DNAI7: variants seen among roughly 807,000 people sequenced by gnomAD.
The protein encoded by DNAI7 is cancer susceptibility 1.
A neutral mutation model predicts 86.6 loss-of-function variants in DNAI7; 78 were observed. The observed-to-expected ratio is 0.90, with a 90% CI of 0.75 to 1.09. DNAI7 has a LOEUF of 1.09. Ranked by LOEUF, DNAI7 falls within the 50% of genes least tolerant of loss-of-function variation. The probability of loss-of-function intolerance (pLI) is 0.00; values close to 1 mark genes in which losing one functional copy is unlikely to be tolerated. For missense variants in DNAI7, 753 were observed against 810.2 expected (o/e 0.93, Z 0.86); for synonymous variants, 274 against 273.0 (o/e 1.00, Z -0.04).
At chr12:25,162,683 C>T (rs778161429) in intron 2 of DNAI7, among the ~76,000 whole-genome samples, 3 of 152,126 alleles carry the variant, frequency 2.0e-5, no homozygotes, top group Non-Finnish European at 4.4e-5. Context: ...GTTCATCCAC[C>T]TCCTCCCACC....
At chr12:25,190,974 T>G (rs997802578) in intron 1 of DNAI7, among the ~76,000 whole-genome samples, 5 of 152,214 alleles carry the variant, frequency 3.3e-5, no homozygotes, top group Admixed American at 6.5e-5. Context: ...AAGAAGGCAC[T>G]AGTTTAAAGG....
At chr12:25,132,485 T>C (rs1313079699) in intron 9 of DNAI7, among the ~76,000 whole-genome samples, 1 of 151,052 alleles carries the variant, frequency 6.6e-6, no homozygotes, top group South Asian at 2.1e-4. Flanking sequence ...CCAAACAAAC[T>C]AGTGTTGTTT....
intron 10 of DNAI7, 56 bp from the exon 11 acceptor site, chr12:25,121,969 G>A: frequency 3.2e-6 from 4 of 1,253,044 alleles, no homozygotes; most frequent in Non-Finnish European, 3.3e-6. Flanking sequence ...TATGTTCTTA[G>A]GAAAGAAATT....
At chr12:25,169,010 C>T (rs1462987701) in intron 2 of DNAI7, among the ~76,000 whole-genome samples, 7 of 152,162 alleles carry the variant, frequency 4.6e-5, no homozygotes, top group African/African-American at 1.7e-4. Context: ...AGAAACATCG[C>T]CCATTATCTC....
In DNAI7 at chr12:25,161,131, TCTC is replaced by T. The variant is rs756732161; in HGVS notation, c.85_87del (p.Glu29del). On this transcript the variant is annotated inframe_deletion, in exon 3 of 16. Transcript: ENST00000395987. Reference sequence around the variant, plus strand: ...TTTGTACCTTCCTCTTTCAGTCGTCTCTCCTCCTCCTCTTGTAGCAGCTTCAAT... The same window carrying T: ...TTTGTACCTTCCTCTTTCAGTCGTCTCTCCTCCTCTTGTAGCAGCTTCAAT... The T allele has an allele frequency of 5.0e-6, 8 of 1,612,992 alleles. No individual in the cohort carries two copies. The highest frequency in any genetic ancestry group is 3.3e-5 in the South Asian group (3 of 91,040).
At chr12:25,108,015 G>T (rs189091745), downstream of DNAI7, 1 of 1,614,086 alleles carries the variant, frequency 6.2e-7, no homozygotes, top group South Asian at 1.1e-5. Context: ...AACATATCTT[G>T]TGGCCATTTA....
At chr12:25,174,656 TCA>T (rs1948739066) in intron 2 of DNAI7, among the ~76,000 whole-genome samples, 1 of 118,826 alleles carries the variant, frequency 8.4e-6, no homozygotes, top group African/African-American at 3.2e-5. Flanking sequence ...AATATAGATA[TCA>T]TATATATGGA....
At chr12:25,153,492 T>TA (rs1945805270) in intron 6 of DNAI7, among the ~76,000 whole-genome samples, 1 of 152,210 alleles carries the variant, frequency 6.6e-6, no homozygotes. Flanking sequence ...TTCACTAAGC[T>TA]AAAGATAAGC....
At chr12:25,184,942 C>T (rs1592709597) in intron 2 of DNAI7, among the ~76,000 whole-genome samples, 1 of 130,496 alleles carries the variant, frequency 7.7e-6, no homozygotes, top group Non-Finnish European at 1.6e-5. Flanking sequence ...CCACCCTGGA[C>T]AACACAGTGG....
intron 2 of DNAI7, among the ~76,000 whole-genome samples, chr12:25,177,516 A>G (rs1162446706): frequency 6.6e-6 from 1 of 152,170 alleles, no homozygotes; most frequent in East Asian, 1.9e-4. Flanking sequence ...GTATATTTTC[A>G]CTGCTGAATA....
chr12:25,185,085 C>T (rs1949915590), intron 2 of DNAI7, among the ~76,000 whole-genome samples: 1 of 152,026 alleles, frequency 6.6e-6, no homozygotes, highest in Non-Finnish European at 1.5e-5. Flanking sequence ...CTACAGTTAG[C>T]TGTAATTACA....
At chr12:25,167,279 T>G (rs1947591847) in intron 2 of DNAI7, among the ~76,000 whole-genome samples, 1 of 152,146 alleles carries the variant, frequency 6.6e-6, no homozygotes, top group Non-Finnish European at 1.5e-5. Flanking sequence ...TCTGCTATTC[T>G]ACTACTCCTC....
chr12:25,119,874 T>C (rs1346441176), intron 11 of DNAI7, among the ~76,000 whole-genome samples: 1 of 152,176 alleles, frequency 6.6e-6, no homozygotes, highest in Admixed American at 6.5e-5. Flanking sequence ...AAGAAAGATT[T>C]AAAAATATTA....
intron 2 of DNAI7, among the ~76,000 whole-genome samples, chr12:25,182,637 C>CACACACACA (rs1244349000): frequency 2.0e-5 from 3 of 151,452 alleles, no homozygotes; most frequent in African/African-American, 4.8e-5. Context: ...CACACACACA[C>CACACACACA]AAGCCAGATG....
At chr12:25,189,953 T>A (rs1950353070) in intron 2 of DNAI7, among the ~76,000 whole-genome samples, 1 of 141,026 alleles carries the variant, frequency 7.1e-6, no homozygotes. Flanking sequence ...TAGATGGAAA[T>A]CAGATTGTTG....
chr12:25,189,888 T>C (rs1379086592), intron 2 of DNAI7, among the ~76,000 whole-genome samples: 2 of 152,062 alleles, frequency 1.3e-5, no homozygotes, highest in African/African-American at 4.8e-5. Flanking sequence ...CAGCCAATTG[T>C]TGCCTTACAG....
chr12:25,121,909 C>A lies in DNAI7; in HGVS notation c.1083G>T (p.Gln361His), dbSNP rs781584997. ...CAGAAGAATTCTCTACCAGCAACAA[C>A]TGTGCTAAAATTAATCAGATTAACA... ...KVLSETVSAA[Q>H]LLLVENSSEK... The change falls in exon 11 of 16, where the codon CAG becomes CAT. Residue 361 changes from glutamine to histidine, a missense_variant. Transcript: ENST00000395987. The A allele has an allele frequency of 6.3e-6, 10 of 1,578,454 alleles. No homozygotes were observed. The South Asian group carries it at 1.2e-4, about 19-fold the overall frequency.
At chr12:25,178,387 A>G (rs1949169509) in intron 2 of DNAI7, among the ~76,000 whole-genome samples, 1 of 152,194 alleles carries the variant, frequency 6.6e-6, no homozygotes, top group African/African-American at 2.4e-5. Context: ...TGGCATAAAA[A>G]GTTGCTCAAA....
At position 25,110,239 on chromosome 12, in the gene DNAI7, A is replaced by G. The variant is rs1949700443; in HGVS notation, c.1781T>C (p.Val594Ala). The G allele has an allele frequency of 1.3e-6, 2 of 1,547,756 alleles. No individual in the cohort carries two copies. The highest frequency in any genetic ancestry group is 1.8e-6 in the Non-Finnish European group (2 of 1,121,378). The change falls in exon 15 of 16, where the codon GTT (valine) becomes GCT (alanine). Residue 594 changes from valine to alanine, a missense_variant and splice_region_variant. Transcript: ENST00000395987. The stretch of plus-strand genomic sequence containing the variant: ...ATAAGCTTTCACTTCTACCAAAGGA[A>G]CCTGTCAATATAAAAACAAATAGAA... ...SHFYVIINNK[V>A]PLVEVKAYRQ...
Sources: gnomAD v4.1 joint callset for allele counts (sites outside exome capture counted in the v4.1 genomes callset) on GRCh38, gnomAD v4.1.1 for gene constraint, MANE v1.5 for transcripts, NCBI Gene and HGNC (gene_info 2026-07-23, HGNC 2026-07-21) for gene names.